Variants in SORCS1 observed in about 807,000 individuals in gnomAD.
SORCS1 encodes the protein VPS10 domain-containing receptor SorCS1.
SORCS1 carries 60 observed loss-of-function variants against 146.1 expected under a neutral mutation model. That is an observed-to-expected ratio of 0.41 (90% CI 0.33 to 0.51). The LOEUF is 0.51. Ranked by LOEUF, SORCS1 falls within the 20% of genes least tolerant of loss-of-function variation. SORCS1 has a pLI of 0.21. For synonymous variants in SORCS1, 637 were observed against 584.0 expected, an observed-to-expected ratio of 1.09 and a Z score of -1.31; for missense variants, 1,352 against 1,487.6, an observed-to-expected ratio of 0.91 and a Z score of 1.50.
At chr10:107,121,097 T>A (rs1590183894) in intron 1 of SORCS1, among the ~76,000 whole-genome samples, 2 of 152,200 alleles carry the variant, frequency 1.3e-5, no homozygotes, top group South Asian at 4.1e-4. Flanking sequence ...ATTTATAACA[T>A]GCAACTTAGT....
intron 1 of SORCS1, among the ~76,000 whole-genome samples, chr10:107,063,116 A>G (rs1312675498): frequency 6.6e-6 from 1 of 152,196 alleles, no homozygotes; most frequent in Non-Finnish European, 1.5e-5. Flanking sequence ...ATATTCCTAC[A>G]TACATGCTTA....
intron 1 of SORCS1, among the ~76,000 whole-genome samples, chr10:107,113,705 A>AG (rs1965844612): frequency 1.3e-5 from 2 of 151,388 alleles, no homozygotes; most frequent in Admixed American, 1.3e-4. Context: ...AAAAAAAAAA[A>AG]AAAGGAAAAG....
At chr10:106,830,483 A>C (rs570629667) in intron 2 of SORCS1, among the ~76,000 whole-genome samples, 2 of 152,106 alleles carry the variant, frequency 1.3e-5, no homozygotes, top group Non-Finnish European at 2.9e-5. Context: ...AAATTTAAAA[A>C]ATTTCCTGAT....
At chr10:106,925,874 A>C (rs992305479) in intron 2 of SORCS1, among the ~76,000 whole-genome samples, 11 of 152,230 alleles carry the variant, frequency 7.2e-5, no homozygotes, top group African/African-American at 2.4e-4. Flanking sequence ...AAGGGGCTGC[A>C]ATGACAGGTT....
chr10:107,082,720 G>T (rs1963424522), intron 1 of SORCS1, among the ~76,000 whole-genome samples: 2 of 152,076 alleles, frequency 1.3e-5, no homozygotes, highest in Non-Finnish European at 2.9e-5. Context: ...CAGGTGATTT[G>T]CTCACCTTGG....
At chr10:107,086,433 C>T (rs1006965509) in intron 1 of SORCS1, among the ~76,000 whole-genome samples, 2 of 152,072 alleles carry the variant, frequency 1.3e-5, no homozygotes, top group African/African-American at 4.8e-5. Flanking sequence ...CTAAAATTAT[C>T]CTATATTGCT....
chr10:106,594,185 A>T (rs1276008113), intron 24 of SORCS1, among the ~76,000 whole-genome samples: 1 of 152,210 alleles, frequency 6.6e-6, no homozygotes, highest in Non-Finnish European at 1.5e-5. Context: ...TCAATATTTC[A>T]GCTTGGTCCC....
chr10:107,178,502 A>T, the SORCS1 span, among the ~76,000 whole-genome samples: 3,501 of 128,166 alleles, frequency 0.027, 83 homozygotes, highest in African/African-American at 0.065. Context: ...ATATATATAT[A>T]TTTTTTTTTA....
chr10:106,992,779 C>T (rs1214626713), intron 1 of SORCS1, among the ~76,000 whole-genome samples: 1 of 151,106 alleles, frequency 6.6e-6, no homozygotes, highest in African/African-American at 2.4e-5. Flanking sequence ...TACAGGCATG[C>T]ACCACTACAC....
At chr10:106,843,770 C>G (rs1454805538) in intron 2 of SORCS1, among the ~76,000 whole-genome samples, 1 of 152,160 alleles carries the variant, frequency 6.6e-6, no homozygotes, top group African/African-American at 2.4e-5. Flanking sequence ...TCATATTCTA[C>G]TGTATATATA....
chr10:107,155,139 G>A (rs1041846877), intron 1 of SORCS1, among the ~76,000 whole-genome samples: 1 of 152,172 alleles, frequency 6.6e-6, no homozygotes, highest in Non-Finnish European at 1.5e-5. Flanking sequence ...ACACTGTACT[G>A]TCCTGTGTGA....
intron 1 of SORCS1, among the ~76,000 whole-genome samples, chr10:107,151,789 T>G (rs1968820752): frequency 1.3e-5 from 2 of 152,080 alleles, no homozygotes; most frequent in Admixed American, 6.6e-5. Flanking sequence ...TGATTTAGGG[T>G]ATCTGGTGGA....
At position 106,577,175 on chromosome 10, in the gene SORCS1, T is replaced by C. The variant is rs1393227831; in HGVS notation, c.*245A>G. On this transcript the variant is annotated 3_prime_UTR_variant, in exon 26 of 26. Coordinates refer to ENST00000263054, the MANE Select transcript of SORCS1 (RefSeq NM_052918.5). ...TTGGATTTTGATTGTTTATATTTTA[T>C]GTTTTGTTTTGTTTTTGTTTTTGTT... 1 of 1,429,444 alleles carries C rather than the reference T, an allele frequency of 7.0e-7. No homozygotes were observed. The highest frequency in any genetic ancestry group is 1.4e-5 in the African/African-American group (1 of 69,602). 88.5% of individuals were successfully genotyped at this position (1,429,444 alleles called of 1,614,324 possible).
chr10:106,700,973 T>A (rs188421994), intron 8 of SORCS1, among the ~76,000 whole-genome samples: 10 of 152,322 alleles, frequency 6.6e-5, no homozygotes, highest in Admixed American at 3.3e-4. Context: ...TCTCTCTAGG[T>A]ATCTGCAGGG....
intron 24 of SORCS1, among the ~76,000 whole-genome samples, chr10:106,593,317 G>C (rs1019884780): frequency 6.6e-6 from 1 of 151,824 alleles, no homozygotes; most frequent in Non-Finnish European, 1.5e-5. Context: ...TAAAGGTAAC[G>C]TAGGAGCAAT....
At chr10:107,009,947 T>C (rs1957624537) in intron 1 of SORCS1, among the ~76,000 whole-genome samples, 1 of 152,160 alleles carries the variant, frequency 6.6e-6, no homozygotes, top group South Asian at 2.1e-4. Flanking sequence ...CGATTCAGTA[T>C]GGAAAGAAGA....
chr10:107,062,034 G>A (rs908673668), intron 1 of SORCS1, among the ~76,000 whole-genome samples: 3 of 152,070 alleles, frequency 2.0e-5, no homozygotes, highest in Admixed American at 6.6e-5. Context: ...CTCTAAGGCA[G>A]GTATTGGCAC....
At chr10:106,809,684 A>G (rs1246291839) in intron 3 of SORCS1, among the ~76,000 whole-genome samples, 1 of 152,172 alleles carries the variant, frequency 6.6e-6, no homozygotes, top group Non-Finnish European at 1.5e-5. Flanking sequence ...ATATATATAT[A>G]TAAAAAATCT....
intron 23 of SORCS1, among the ~76,000 whole-genome samples, chr10:106,605,381 C>G (rs1341372350): frequency 2.6e-5 from 4 of 152,018 alleles, no homozygotes; most frequent in African/African-American, 9.7e-5. Context: ...TAGAAAAAAA[C>G]ATGGAAAGTG....
Sources: gnomAD v4.1 joint callset for allele counts (sites outside exome capture counted in the v4.1 genomes callset) on GRCh38, gnomAD v4.1.1 for gene constraint, MANE v1.5 for transcripts, NCBI Gene and HGNC (gene_info 2026-07-23, HGNC 2026-07-21) for gene names.